Variants in TAOK3 observed in about 807,000 individuals in gnomAD.
The protein encoded by TAOK3 is serine/threonine-protein kinase TAO3.
A neutral mutation model predicts 120.4 loss-of-function variants in TAOK3; 40 were observed. That is an observed-to-expected ratio of 0.33 (90% confidence interval 0.26 to 0.43). The LOEUF (loss-of-function observed/expected upper bound fraction) is 0.43. TAOK3 is among the 20% of genes least tolerant of loss of function. TAOK3 has a pLI of 1.00. For missense variants in TAOK3, 821 were observed against 1,112.1 expected (o/e 0.74, Z 3.72); for synonymous variants, 355 against 387.5 (o/e 0.92, Z 0.99).
At chr12:118,352,394 C>T in intron 1 of TAOK3, among the ~76,000 whole-genome samples, 1 of 151,650 alleles carries the variant, frequency 6.6e-6, no homozygotes, top group East Asian at 2.0e-4. Flanking sequence ...ATCCCAGCTA[C>T]TCAGGAGGCT....
chr12:118,298,017 T>G (rs990234229), intron 1 of TAOK3, among the ~76,000 whole-genome samples: 2 of 152,186 alleles, frequency 1.3e-5, no homozygotes, highest in African/African-American at 4.8e-5. Context: ...TGACTTCAAG[T>G]GATCCTTCTG....
chr12:118,285,541 G>A (rs931455397), intron 1 of TAOK3, among the ~76,000 whole-genome samples: 1 of 150,834 alleles, frequency 6.6e-6, no homozygotes, highest in East Asian at 2.0e-4. Context: ...TTAGTAGAGA[G>A]GGGTTTTCAC....
intron 11 of TAOK3, among the ~76,000 whole-genome samples, chr12:118,201,965 TC>T (rs995682120): frequency 9.9e-5 from 15 of 152,010 alleles, no homozygotes; most frequent in Middle Eastern, 3.2e-3. Context: ...ATCTTTCCAT[TC>T]CCCATCCCTT....
chr12:118,241,435 C>A (rs1255205654), intron 5 of TAOK3, among the ~76,000 whole-genome samples: 1 of 152,012 alleles, frequency 6.6e-6, no homozygotes, highest in Non-Finnish European at 1.5e-5. Flanking sequence ...CTCCTTAAAC[C>A]AAGCATATGA....
chr12:118,359,586 C>G (rs2045523081), intron 1 of TAOK3: 1 of 152,200 alleles, frequency 6.6e-6, no homozygotes, highest in Admixed American at 6.5e-5. Flanking sequence ...AGTTAATTCT[C>G]TTTTAAACTT....
chr12:118,293,445 G>C (rs2042555815), intron 1 of TAOK3, among the ~76,000 whole-genome samples: 1 of 152,026 alleles, frequency 6.6e-6, no homozygotes, highest in Admixed American at 6.5e-5. Context: ...TTGGGAGGCT[G>C]AGGTGGGTGG....
At chr12:118,360,606 A>G (rs557552601) in intron 1 of TAOK3, among the ~76,000 whole-genome samples, 136 of 152,180 alleles carry the variant, frequency 8.9e-4, no homozygotes, top group Middle Eastern at 3.4e-3. Flanking sequence ...ATTTCATTCA[A>G]CAAATGCTTA....
intron 9 of TAOK3, among the ~76,000 whole-genome samples, chr12:118,224,893 G>T (rs1263713265): frequency 3.3e-5 from 5 of 152,098 alleles, no homozygotes; most frequent in African/African-American, 1.2e-4. Flanking sequence ...ATGGAAGAGA[G>T]AGATATCAGA....
chr12:118,285,374 C>A (rs1345023314), intron 1 of TAOK3, among the ~76,000 whole-genome samples: 1 of 148,954 alleles, frequency 6.7e-6, no homozygotes, highest in Non-Finnish European at 1.5e-5. Context: ...TTTTTTGAGA[C>A]CAAGTCTTGC....
rs569132994 is a variant in TAOK3 at position 118,238,314 on chromosome 12, A to G, written c.341-145T>C. On this transcript the variant is annotated intron_variant, in intron 6 of 20. Transcript: ENST00000392533. ...TCACCTAGATCTTCTATAGAAGATA[A>G]TAAGTGATCAGACAACAGGAAACCC... 19 of 500,232 alleles carry G rather than the reference A, an allele frequency of 3.8e-5. 1 individual carries two copies. The South Asian group carries it at 5.9e-4, about 16-fold the overall frequency. 31.0% of individuals were successfully genotyped at this position (500,232 alleles called of 1,614,324 possible).
chr12:118,308,159 G>A (rs1254539995), intron 1 of TAOK3, among the ~76,000 whole-genome samples: 1 of 152,094 alleles, frequency 6.6e-6, no homozygotes, highest in Non-Finnish European at 1.5e-5. Context: ...ATGGCAATGA[G>A]AATGACCTCT....
intron 17 of TAOK3, among the ~76,000 whole-genome samples, chr12:118,163,780 C>T (rs979929116): frequency 2.6e-5 from 4 of 152,000 alleles, no homozygotes; most frequent in Admixed American, 6.6e-5. Flanking sequence ...GGTGTGACTT[C>T]GGCTCACAGC....
chr12:118,309,035 T>C (rs1452667684), intron 1 of TAOK3, among the ~76,000 whole-genome samples: 1 of 150,440 alleles, frequency 6.6e-6, no homozygotes, highest in Non-Finnish European at 1.5e-5. Flanking sequence ...TGAATTATAT[T>C]ATTTTAAATG....
chr12:118,286,514 C>T (rs1379088664), intron 1 of TAOK3, among the ~76,000 whole-genome samples: 1 of 151,326 alleles, frequency 6.6e-6, no homozygotes, highest in Non-Finnish European at 1.5e-5. Context: ...AAATCAAAAC[C>T]ACGACACGAT....
chr12:118,314,726 C>T (rs1354718507), intron 1 of TAOK3, among the ~76,000 whole-genome samples: 2 of 152,120 alleles, frequency 1.3e-5, no homozygotes, highest in East Asian at 3.9e-4. Flanking sequence ...TAATTAGTTC[C>T]GGAGCTGATA....
intron 11 of TAOK3, among the ~76,000 whole-genome samples, chr12:118,203,090 CTTATTA>C (rs1468107657): frequency 1.3e-5 from 2 of 151,900 alleles, no homozygotes; most frequent in Admixed American, 6.6e-5. Context: ...TTGTTCTATT[CTTATTA>C]TAACTTGCCT....
chr12:118,161,976 G>A lies in TAOK3; in HGVS notation c.1951C>T (p.Arg651Trp), dbSNP rs765687046. Reference protein sequence around the residue: ...QKEMEHAMLIRHDESTRELEY... With the variant: ...QKEMEHAMLIWHDESTRELEY... ...AGCTCTCGGGTGGACTCGTCGTGCC[G>A]GATTAGCATGGCATGCTCCATCTCC... is the stretch of plus-strand genomic sequence containing the variant. Residue 651 changes from arginine to tryptophan, a missense_variant, in exon 18 of 21, where the codon CGG becomes TGG. Arg to Trp is a moderately radical substitution (Grantham distance 101). This residue lies in a region of TAOK3 where 354 missense variants were observed against 572.1 expected (regional missense o/e 0.62). Coordinates refer to ENST00000392533, the MANE Select transcript of TAOK3 (RefSeq NM_016281.4). This position sits in a 1 kb window ranked among gnomAD's most constrained non-coding sequence, Gnocchi z 4.5. The A allele has an allele frequency of 1.1e-5, 17 of 1,613,882 alleles. No individual in the cohort carries two copies. Among genetic ancestry groups the A allele is most frequent in the East Asian group, 2.2e-5 (1 of 44,892 alleles).
intron 20 of TAOK3, 127 bp from the exon 21 acceptor site, chr12:118,151,285 GCGCGCA>G (rs753048677): frequency 1.1e-4 from 69 of 612,070 alleles, no homozygotes; most frequent in South Asian, 2.1e-4. Flanking sequence ...AAGTGCGCGC[GCGCGCA>G]CACACACACA....
chr12:118,237,657 T>C (rs1269116565), intron 7 of TAOK3, among the ~76,000 whole-genome samples: 1 of 152,180 alleles, frequency 6.6e-6, no homozygotes, highest in African/African-American at 2.4e-5. Flanking sequence ...ATGAGAAATA[T>C]TTTAAAGTTA....
Sources: gnomAD v4.1 joint callset for allele counts (sites outside exome capture counted in the v4.1 genomes callset) on GRCh38, gnomAD v4.1.1 for gene constraint, gnomAD v4.1.1 regional missense constraint, Gnocchi (gnomAD v3.1) non-coding constraint, MANE v1.5 for transcripts, NCBI Gene and HGNC (gene_info 2026-07-23, HGNC 2026-07-21) for gene names.